The following AHCTF1 variants were observed in gnomAD, a reference collection of about 807,000 sequenced individuals.
The protein encoded by AHCTF1 is AT-hook containing transcription factor 1, also known as protein ELYS.
Under a neutral mutation model 248.4 loss-of-function variants are expected in AHCTF1, and 24 were observed. The observed-to-expected ratio is 0.10, with a 90% CI of 0.07 to 0.14. The LOEUF is 0.14. AHCTF1 is among the 10% of genes least tolerant of loss of function. The pLI, the probability that AHCTF1 is intolerant of heterozygous loss-of-function variation, is 1.00. For missense variants in AHCTF1, 2,206 were observed against 2,636.2 expected (o/e 0.84, Z 3.57); for synonymous variants, 786 against 929.8 (o/e 0.85, Z 2.81).
At chr1:246,916,475 C>T (rs1025252799) in intron 2 of AHCTF1, 80 bp from the exon 3 acceptor site, 85 of 1,259,176 alleles carry the variant, frequency 6.8e-5, no homozygotes, top group Admixed American at 1.4e-4. Context: ...TTACATACAA[C>T]TATATGTTCA....
chr1:246,888,638 G>A lies in AHCTF1; in HGVS notation c.2145-121C>T. 3 of 1,251,382 alleles carry A rather than the reference G, an allele frequency of 2.4e-6. 1 individual carries two copies. Among genetic ancestry groups the A allele is most frequent in the Middle Eastern group, 4.5e-4 (2 of 4,472 alleles). The allele number at this position is 1,251,382 out of a possible 1,614,324, so 77.5% of individuals were successfully genotyped here. On this transcript the variant is annotated intron_variant, in intron 17 of 35. Coordinates refer to ENST00000648844, the MANE Select transcript of AHCTF1 (RefSeq NM_001323342.2). ...TCAAAGAGAGAAGAGGCTGGGCATG[G>A]TGGCTTATGTCTGTAATCCCAGTGA...
At position 246,896,172 on chromosome 1, in the gene AHCTF1, T is replaced by G. The variant is rs181168192; in HGVS notation, c.1624-247A>C. Among the ~76,000 whole-genome samples the G allele has an allele frequency of 8.4e-4, 128 of 152,268 alleles. 1 individual carries two copies. Among genetic ancestry groups the G allele is most frequent in the African/African-American group, 2.8e-3 (116 of 41,548 alleles). ...AAAGCAGTTTGGCGGTTTCTCAGTATGCTAAACATAGACTTACCACACGAC... is the reference window on the plus strand; with the variant it reads ...AAAGCAGTTTGGCGGTTTCTCAGTAGGCTAAACATAGACTTACCACACGAC... On this transcript the variant is annotated intron_variant, in intron 12 of 35. Coordinates refer to ENST00000648844, the MANE Select transcript of AHCTF1 (RefSeq NM_001323342.2).
chr1:246,888,885 C>T lies in AHCTF1; in HGVS notation c.2145-368G>A, dbSNP rs557436498. 2.0e-5 allele frequency among the ~76,000 whole-genome samples: 3 copies of T among 152,290 alleles called. No individual in the cohort carries two copies. In the South Asian group the frequency reaches 6.2e-4, roughly 32 times the overall value. On this transcript the variant is annotated intron_variant, in intron 17 of 35. Transcript: ENST00000648844. ...TGCCACTGCACTGCAGCCTGGGCAACAGAGACCCTGTCTCTAAAAACAGAG... is the reference window on the plus strand; with the variant it reads ...TGCCACTGCACTGCAGCCTGGGCAATAGAGACCCTGTCTCTAAAAACAGAG...
At chr1:246,869,134 C>T (rs150874772) in intron 24 of AHCTF1, among the ~76,000 whole-genome samples, 6,172 of 152,068 alleles carry the variant, frequency 0.041, 162 homozygotes, top group Non-Finnish European at 0.063. Context: ...TGAGCCACCA[C>T]GCCCGGCCGT....
chr1:246,908,417 T>G (rs1274540852), intron 4 of AHCTF1, among the ~76,000 whole-genome samples: 1 of 151,594 alleles, frequency 6.6e-6, no homozygotes, highest in African/African-American at 2.4e-5. Flanking sequence ...TAACTAGGTA[T>G]CACCTGCTTA....
chr1:246,888,150 A>C (rs912804305), intron 19 of AHCTF1, 27 bp downstream of exon 19: 2 of 1,608,846 alleles, frequency 1.2e-6, no homozygotes, highest in South Asian at 2.2e-5. Flanking sequence ...TAATACATGA[A>C]ACACTGGATA....
chr1:246,909,238 C>T (rs937552261), intron 4 of AHCTF1, among the ~76,000 whole-genome samples: 7 of 135,944 alleles, frequency 5.1e-5, no homozygotes, highest in South Asian at 2.4e-4. Flanking sequence ...GGTGAAACCT[C>T]GGCTCTACTA....
chr1:246,873,260 C>T (rs559652130), intron 24 of AHCTF1, among the ~76,000 whole-genome samples: 10 of 152,324 alleles, frequency 6.6e-5, no homozygotes, highest in South Asian at 2.1e-4. Flanking sequence ...AAATCTTAAC[C>T]GGTGATAAAT....
At chr1:246,852,701 TA>T (rs932540231) in intron 32 of AHCTF1, among the ~76,000 whole-genome samples, 3 of 152,170 alleles carry the variant, frequency 2.0e-5, no homozygotes, top group Non-Finnish European at 4.4e-5. Context: ...ATTAACTTGA[TA>T]AAACTATGGC....
At chr1:246,905,692 TA>T (rs745674759) in intron 5 of AHCTF1, 35 bp from the exon 6 acceptor site, 9 of 1,525,200 alleles carry the variant, frequency 5.9e-6, no homozygotes, top group Non-Finnish European at 8.1e-6. Flanking sequence ...ATTTTTAAGT[TA>T]TTTTTTAGAA....
intron 30 of AHCTF1, among the ~76,000 whole-genome samples, chr1:246,856,396 G>T (rs111766571): frequency 6.6e-6 from 1 of 152,114 alleles, no homozygotes. Context: ...AATAGTATTT[G>T]AAAGTAAATT....
At chr1:246,931,410 C>G (rs1667350047) in intron 1 of AHCTF1, 168 bp downstream of exon 1, 5 of 1,472,228 alleles carry the variant, frequency 3.4e-6, no homozygotes, top group Non-Finnish European at 4.5e-6. Context: ...CCACCGCTCG[C>G]CCCCTCGAGC....
chr1:246,930,222 G>C (rs569738929), intron 1 of AHCTF1, among the ~76,000 whole-genome samples: 1 of 152,220 alleles, frequency 6.6e-6, no homozygotes, highest in Non-Finnish European at 1.5e-5. Flanking sequence ...TGCAACCCTC[G>C]AACTCTCAGT....
At chr1:246,868,999 CAT>C (rs1553291756) in intron 24 of AHCTF1, among the ~76,000 whole-genome samples, 179 of 151,166 alleles carry the variant, frequency 1.2e-3, no homozygotes, top group African/African-American at 4.1e-3. Context: ...CGCCCGCCAC[CAT>C]GCCTGGCTAA....
At chr1:246,848,917 T>C (rs1416647138) in intron 33 of AHCTF1, among the ~76,000 whole-genome samples, 1 of 152,220 alleles carries the variant, frequency 6.6e-6, no homozygotes, top group Non-Finnish European at 1.5e-5. Context: ...AGAGTTACTC[T>C]GATGGGATCT....
At chr1:246,911,302 TTTGA>T (rs1416095923) in intron 4 of AHCTF1, among the ~76,000 whole-genome samples, 3 of 152,312 alleles carry the variant, frequency 2.0e-5, no homozygotes, top group East Asian at 3.9e-4. Context: ...AGCCTACTTC[TTTGA>T]TTAATGTTCC....
chr1:246,905,503 A>T, intron 6 of AHCTF1, 38 bp downstream of exon 6: 1 of 1,530,988 alleles, frequency 6.5e-7, no homozygotes, highest in Non-Finnish European at 9.0e-7. Context: ...TCTCCAAAAA[A>T]ACAAAACAAA....
intron 34 of AHCTF1, 45 bp from the exon 35 acceptor site, chr1:246,842,821 C>T: frequency 1.3e-6 from 2 of 1,525,154 alleles, no homozygotes; most frequent in South Asian, 2.3e-5. Flanking sequence ...AACACGAATC[C>T]AATTTTAAAA....
chr1:246,896,381 A>G (rs1664574340), intron 12 of AHCTF1, among the ~76,000 whole-genome samples: 1 of 152,262 alleles, frequency 6.6e-6, no homozygotes, highest in African/African-American at 2.4e-5. Context: ...TACAGCCATA[A>G]AAGGGGATGA....
Sources: allele counts gnomAD v4.1 joint callset (sites outside exome capture counted in the v4.1 genomes callset), GRCh38; gene constraint gnomAD v4.1.1; transcripts MANE v1.5; gene names NCBI Gene and HGNC (gene_info 2026-07-23, HGNC 2026-07-21).